Variants in LARGE1 observed in about 807,000 individuals in gnomAD.
LARGE1 encodes the protein xylosyl- and glucuronyltransferase LARGE1.
LARGE1 carries 43 observed loss-of-function variants against 87.6 expected under a neutral mutation model. The ratio of observed to expected loss-of-function variants is 0.49; its 90% CI spans 0.38 to 0.63. The LOEUF (loss-of-function observed/expected upper bound fraction) is 0.63. Ranked by LOEUF, LARGE1 falls within the 30% of genes least tolerant of loss-of-function variation. LARGE1 has a pLI of 0.00. For missense variants in LARGE1, 802 were observed against 1,000.2 expected (o/e 0.80, Z 2.67); for synonymous variants, 434 against 394.6 (o/e 1.10, Z -1.18).
chr22:33,175,213 C>T (rs1922799811), intron 11 of LARGE1, among the ~76,000 whole-genome samples: 1 of 152,036 alleles, frequency 6.6e-6, no homozygotes, highest in Admixed American at 6.6e-5. Flanking sequence ...GGAAGCATTC[C>T]CTTTGAAAAC....
At chr22:33,233,794 A>G (rs945224418) in intron 11 of LARGE1, among the ~76,000 whole-genome samples, 4 of 152,348 alleles carry the variant, frequency 2.6e-5, no homozygotes, top group Admixed American at 6.5e-5. Context: ...TCTGGAGGCC[A>G]GAAGTCCAAG....
downstream of LARGE1, among the ~76,000 whole-genome samples, chr22:33,272,392 G>A (rs757023077): frequency 6.6e-6 from 1 of 152,182 alleles, no homozygotes; most frequent in Non-Finnish European, 1.5e-5. Flanking sequence ...CTAGCTCTTG[G>A]GGATGGGGAC....
intron 7 of LARGE1, among the ~76,000 whole-genome samples, chr22:33,404,881 G>A (rs1028512484): frequency 6.7e-6 from 1 of 150,274 alleles, no homozygotes; most frequent in Non-Finnish European, 1.5e-5. Context: ...TCTGTTCAGT[G>A]GGGGGGAAGG....
At chr22:33,234,497 T>C (rs568701671) in intron 11 of LARGE1, among the ~76,000 whole-genome samples, 172 of 152,238 alleles carry the variant, frequency 1.1e-3, no homozygotes, top group African/African-American at 3.9e-3. Context: ...TCTGACACAG[T>C]GGATTTATAA....
intron 9 of LARGE1, among the ~76,000 whole-genome samples, chr22:33,354,011 T>C (rs1213933959): frequency 1.3e-5 from 2 of 152,252 alleles, no homozygotes; most frequent in East Asian, 3.8e-4. Flanking sequence ...AATGAAAATC[T>C]GTAACACACA....
At chr22:33,530,054 A>G (rs1470129030) in intron 6 of LARGE1, among the ~76,000 whole-genome samples, 1 of 152,220 alleles carries the variant, frequency 6.6e-6, no homozygotes, top group Non-Finnish European at 1.5e-5. Flanking sequence ...GGTTCAGCTT[A>G]TAACTAATTT....
At chr22:33,422,850 T>C (rs1344572791) in intron 7 of LARGE1, among the ~76,000 whole-genome samples, 1 of 152,062 alleles carries the variant, frequency 6.6e-6, no homozygotes, top group African/African-American at 2.4e-5. Context: ...AAACCATTCA[T>C]GAGAAATCCA....
chr22:33,366,197 C>G (rs966698389), intron 9 of LARGE1, among the ~76,000 whole-genome samples: 7 of 152,340 alleles, frequency 4.6e-5, no homozygotes, highest in African/African-American at 1.2e-4. Context: ...TGTCTCAGCA[C>G]AGTTTATGGA....
chr22:33,509,293 CCTT>C lies in LARGE1; in HGVS notation c.787+55552_787+55554del, dbSNP rs561407493. Among the ~76,000 whole-genome samples, 570 of 152,204 alleles carry C rather than the reference CCTT, an allele frequency of 3.7e-3. 2 individuals are homozygous for C. The highest frequency in any genetic ancestry group is 9.7e-3 in the African/African-American group (403 of 41,516). On this transcript the variant is annotated intron_variant, in intron 6 of 14. Transcript: ENST00000397394. ...GAACCACTGGCCTCATCAATACTCT[CCTT>C]CAACCTGATCCAAGACCCTCTCCCC...
At chr22:33,548,500 C>A (rs1464792810) in intron 6 of LARGE1, among the ~76,000 whole-genome samples, 1 of 152,150 alleles carries the variant, frequency 6.6e-6, no homozygotes, top group East Asian at 1.9e-4. Context: ...ACTGCAATCT[C>A]CACCTCCCGG....
At chr22:33,886,525 A>T (rs950795493) in intron 1 of LARGE1, among the ~76,000 whole-genome samples, 4 of 152,038 alleles carry the variant, frequency 2.6e-5, no homozygotes, top group Non-Finnish European at 5.9e-5. Flanking sequence ...AAAAATAGAA[A>T]AATTAGCAGG....
At chr22:33,289,341 A>T (rs1372108728) in intron 12 of LARGE1, among the ~76,000 whole-genome samples, 2 of 152,210 alleles carry the variant, frequency 1.3e-5, no homozygotes, top group Non-Finnish European at 2.9e-5. Context: ...AGTGACTTGG[A>T]GCCAGACAGC....
Position 33,754,396 on chromosome 22 carries a change from C to T in LARGE1, c.106+6975G>A, listed in dbSNP as rs145980223. Among the ~76,000 whole-genome samples, 522 of 151,084 alleles carry T rather than the reference C, an allele frequency of 3.5e-3. 2 individuals carry two copies. Among genetic ancestry groups the T allele is most frequent in the Middle Eastern group, 0.01 (3 of 292 alleles). On this transcript the variant is annotated intron_variant, in intron 2 of 14. Coordinates refer to ENST00000397394, the MANE Select transcript of LARGE1 (RefSeq NM_133642.5). ...CTGTCACGCAGGCTGGAGTGCAGGG[C>T]GCCATCTCGGCTCACTGCAAGCTCC...
chr22:33,166,562 G>A (rs1922284009), exon 12 of LARGE1: 3 of 351,948 alleles, frequency 8.5e-6, no homozygotes, highest in South Asian at 2.2e-5. Flanking sequence ...CCACAGGGAT[G>A]TTCACCTGCC....
intron 11 of LARGE1, among the ~76,000 whole-genome samples, chr22:33,311,706 C>T (rs1569042156): frequency 6.6e-6 from 1 of 152,154 alleles, no homozygotes; most frequent in African/African-American, 2.4e-5. Context: ...TTTTCTACTA[C>T]ATCACTTTAC....
the LARGE1 span, among the ~76,000 whole-genome samples, chr22:33,119,973 C>A: frequency 1.3e-5 from 2 of 151,940 alleles, no homozygotes; most frequent in Non-Finnish European, 2.9e-5. Context: ...GCTAAAAATT[C>A]CAAGATCTCA....
chr22:33,406,908 T>G (rs777898142), intron 7 of LARGE1, among the ~76,000 whole-genome samples: 4 of 152,044 alleles, frequency 2.6e-5, no homozygotes, highest in Non-Finnish European at 4.4e-5. Context: ...TTCTCCTGCT[T>G]CAGCCTCCCA....
chr22:33,181,508 T>A (rs1421667102), intron 11 of LARGE1, among the ~76,000 whole-genome samples: 2 of 151,688 alleles, frequency 1.3e-5, no homozygotes, highest in African/African-American at 4.8e-5. Flanking sequence ...CGTGAGCACA[T>A]TGTTAGGCTA....
At chr22:33,597,911 G>C (rs1445155835) in intron 5 of LARGE1, among the ~76,000 whole-genome samples, 4 of 152,150 alleles carry the variant, frequency 2.6e-5, no homozygotes, top group Non-Finnish European at 5.9e-5. Context: ...TGTTAGTTTA[G>C]AACAGGATCC....
Sources: gnomAD v4.1 joint callset for allele counts (sites outside exome capture counted in the v4.1 genomes callset) on GRCh38, gnomAD v4.1.1 for gene constraint, MANE v1.5 for transcripts, NCBI Gene and HGNC (gene_info 2026-07-23, HGNC 2026-07-21) for gene names.